The following PCDHA9 variants were observed in gnomAD, a reference collection of about 807,000 sequenced individuals.
PCDHA9 encodes the protein protocadherin alpha-9.
A neutral mutation model predicts 62.0 loss-of-function variants in PCDHA9; 62 were observed. The ratio of observed to expected loss-of-function variants is 1.00; its 90% CI spans 0.81 to 1.23. The LOEUF is 1.23. Among genes scored for constraint, PCDHA9 ranks in the 50% most tolerant of loss-of-function variants. The pLI, the probability that PCDHA9 is intolerant of heterozygous loss-of-function variation, is 0.00. For synonymous variants in PCDHA9, 557 were observed against 567.6 expected, an observed-to-expected ratio of 0.98 and a Z score of 0.27; for missense variants, 1,205 against 1,249.8, an observed-to-expected ratio of 0.96 and a Z score of 0.54.
chr5:140,850,917 T>C, intron 1 of PCDHA9, 28 bp downstream of exon 1: 1 of 1,530,140 alleles, frequency 6.5e-7, no homozygotes. Flanking sequence ...TTTATTTATT[T>C]ATATAATTTT....
At chr5:140,960,265 T>A (rs1380537220) in intron 1 of PCDHA9, among the ~76,000 whole-genome samples, 2 of 152,174 alleles carry the variant, frequency 1.3e-5, no homozygotes, top group African/African-American at 4.8e-5. Context: ...TTCTGATAAA[T>A]TCCGTCACCT....
At chr5:140,961,743 A>G (rs1585893660) in intron 1 of PCDHA9, among the ~76,000 whole-genome samples, 1 of 152,170 alleles carries the variant, frequency 6.6e-6, no homozygotes, top group East Asian at 1.9e-4. Flanking sequence ...CTTTAGTAAT[A>G]TTACAGTTTT....
At position 140,850,217 on chromosome 5, in the gene PCDHA9, C is replaced by T. The variant is rs2150473800; in HGVS notation, c.1722C>T (p.Asp574=). 1.1e-5 allele frequency: 17 copies of T among 1,593,592 alleles called. No homozygotes were observed. The highest frequency in any genetic ancestry group is 1.5e-5 in the Non-Finnish European group (17 of 1,167,644). Residue 574 remains aspartate (D), a synonymous_variant, in exon 1 of 4, where the codon GAC becomes GAT. Transcript: ENST00000532602. ...ALLTPRMRGT[D]GAVSEMVLRS... ...TGACACCTCGGATGAGGGGCACTGACGGCGCAGTGAGCGAGATGGTGCTGC... is the reference window on the plus strand; with the variant it reads ...TGACACCTCGGATGAGGGGCACTGATGGCGCAGTGAGCGAGATGGTGCTGC...
chr5:140,862,460 A>G (rs1554156366), intron 1 of PCDHA9: 2 of 368,076 alleles, frequency 5.4e-6, no homozygotes, highest in African/African-American at 2.1e-5. Context: ...CCCTGGACCA[A>G]GAGAGCAAAT....
At chr5:140,884,833 C>G in intron 1 of PCDHA9, 1 of 916,634 alleles carries the variant, frequency 1.1e-6, no homozygotes, top group Non-Finnish European at 1.5e-6. Context: ...GTTGGATTAT[C>G]CTTCAGAGTG....
At chr5:140,852,867 T>A (rs2042500160) in intron 1 of PCDHA9, 1 of 952,126 alleles carries the variant, frequency 1.1e-6, no homozygotes, top group African/African-American at 1.8e-5. Context: ...TACTATGTCA[T>A]CAATAATCAT....
chr5:140,965,326 A>T (rs184855153), intron 1 of PCDHA9, among the ~76,000 whole-genome samples: 1 of 152,298 alleles, frequency 6.6e-6, no homozygotes, highest in African/African-American at 2.4e-5. Context: ...TACTGAAGTG[A>T]ATTTGTTGTC....
chr5:140,965,299 C>A (rs1295211520), intron 1 of PCDHA9, among the ~76,000 whole-genome samples: 4 of 152,134 alleles, frequency 2.6e-5, no homozygotes, highest in African/African-American at 7.2e-5. Context: ...TTCCTCTGAT[C>A]CTTCTACCTT....
intron 3 of PCDHA9, among the ~76,000 whole-genome samples, chr5:141,004,307 A>G (rs924420604): frequency 6.6e-6 from 1 of 152,224 alleles, no homozygotes; most frequent in Admixed American, 6.5e-5. Context: ...TTTGTTTTAT[A>G]CAACAACCAG....
chr5:140,942,443 A>G (rs1204508547), intron 1 of PCDHA9, among the ~76,000 whole-genome samples: 2 of 152,100 alleles, frequency 1.3e-5, no homozygotes, highest in African/African-American at 4.8e-5. Flanking sequence ...ATAAACAAGT[A>G]AACTATCAAT....
At chr5:140,886,138 T>C (rs1166911705) in intron 1 of PCDHA9, among the ~76,000 whole-genome samples, 2 of 152,208 alleles carry the variant, frequency 1.3e-5, no homozygotes, top group African/African-American at 4.8e-5. Flanking sequence ...AACCAGATTC[T>C]TGATATCACC....
chr5:141,006,979 G>T (rs1236461454), intron 3 of PCDHA9, among the ~76,000 whole-genome samples: 1 of 152,156 alleles, frequency 6.6e-6, no homozygotes, highest in Non-Finnish European at 1.5e-5. Context: ...ACAGAGAGAT[G>T]TGGGCTTAAA....
intron 1 of PCDHA9, among the ~76,000 whole-genome samples, chr5:140,871,958 G>A (rs1251366239): frequency 1.3e-5 from 2 of 152,180 alleles, no homozygotes; most frequent in Non-Finnish European, 2.9e-5. Context: ...CTAAAGGGAG[G>A]AGGTCTTCCT....
chr5:140,922,257 G>A (rs2080747240), intron 1 of PCDHA9, among the ~76,000 whole-genome samples: 5 of 152,172 alleles, frequency 3.3e-5, no homozygotes, highest in Admixed American at 3.3e-4. Context: ...AAGTTACTAA[G>A]TGCCATGAAG....
chr5:140,876,408 G>C (rs781814727), intron 1 of PCDHA9: 1 of 1,613,942 alleles, frequency 6.2e-7, no homozygotes, highest in South Asian at 1.1e-5. Flanking sequence ...ATTTTGAAGA[G>C]AATAATGCCT....
In PCDHA9 at chr5:140,869,025, C is replaced by A. The variant is rs1424812323; in HGVS notation, c.2394+18136C>A. 7 of 1,525,592 alleles carry A rather than the reference C, an allele frequency of 4.6e-6. No homozygotes were observed. In the East Asian group the frequency reaches 1.4e-4, roughly 30 times the overall value. The allele number at this position is 1,525,592 out of a possible 1,614,324, so 94.5% of individuals were successfully genotyped here. ...CCTTTGAAACTTCTTAAGAATTCAA[C>A]GAGATTTTTAACCTGAAACTGAAGA... On this transcript the variant is annotated intron_variant, in intron 1 of 3. Transcript: ENST00000532602.
chr5:140,946,631 T>TATATATATATATATATATATATATACAC lies in PCDHA9; in HGVS notation c.2395-32317_2395-32316insTATATATATATATATATATATATACACA, dbSNP rs57893927. 8.3e-4 allele frequency among the ~76,000 whole-genome samples: 109 copies of TATATATATATATATATATATATATACAC among 131,802 alleles called. 1 individual carries two copies. The highest frequency in any genetic ancestry group is 3.6e-3 in the African/African-American group (102 of 28,672). 86.5% of individuals were successfully genotyped at this position (131,802 alleles called of 152,430 possible). A position where few individuals can be genotyped will look rare whatever the true frequency, so the allele number is the denominator to read the frequency against. On this transcript the variant is annotated intron_variant, in intron 1 of 3. Transcript: ENST00000532602. ...TGTGAAATATATATATATATATATA[T>TATATATATATATATATATATATATACAC]ACAATGGAATACTCATCAGCCATTA...
chr5:140,966,923 G>A (rs781929029), intron 1 of PCDHA9: 36 of 1,602,826 alleles, frequency 2.2e-5, no homozygotes, highest in Non-Finnish European at 3.0e-5. Context: ...AGAGGAGCAG[G>A]CACCCGGCGC....
chr5:140,862,862 C>T (rs782494104), intron 1 of PCDHA9: 1 of 507,446 alleles, frequency 2.0e-6, no homozygotes, highest in African/African-American at 3.1e-5. Flanking sequence ...AGCAATGTGA[C>T]GCTGCCAGGT....
Sources: allele counts gnomAD v4.1 joint callset (sites outside exome capture counted in the v4.1 genomes callset), GRCh38; gene constraint gnomAD v4.1.1; transcripts MANE v1.5; gene names NCBI Gene and HGNC (gene_info 2026-07-23, HGNC 2026-07-21).